The following KIAA0753 variants were observed in gnomAD, a reference collection of about 807,000 sequenced individuals.
KIAA0753 encodes the protein protein moonraker.
A neutral mutation model predicts 116.9 loss-of-function variants in KIAA0753; 114 were observed. The ratio of observed to expected loss-of-function variants is 0.98; its 90% CI spans 0.84 to 1.14. The LOEUF is 1.14. Ranked by LOEUF, KIAA0753 falls within the 50% of genes most tolerant of loss-of-function variation. The probability of loss-of-function intolerance (pLI) is 0.00; values close to 1 mark genes in which losing one functional copy is unlikely to be tolerated. For synonymous variants in KIAA0753, 405 were observed against 413.1 expected (o/e 0.98, Z 0.24); for missense variants, 1,156 against 1,172.4 (o/e 0.99, Z 0.20).
chr17:6,627,016 T>C (rs966929014), intron 3 of KIAA0753, among the ~76,000 whole-genome samples: 4 of 152,250 alleles, frequency 2.6e-5, no homozygotes, highest in South Asian at 4.1e-4. Context: ...GTTATTTTTA[T>C]GCTGGAATGG....
intron 12 of KIAA0753, among the ~76,000 whole-genome samples, chr17:6,601,418 G>A (rs1437704025): frequency 6.6e-6 from 1 of 152,146 alleles, no homozygotes; most frequent in Non-Finnish European, 1.5e-5. Flanking sequence ...TAGACTCACA[G>A]CCCTCTTCCC....
In KIAA0753 at chr17:6,612,147, A is replaced by G; in HGVS notation, c.1317T>C (p.Asp439=). 6.3e-7 allele frequency: 1 copy of G among 1,596,596 alleles called. No individual in the cohort carries two copies. Among genetic ancestry groups the G allele is most frequent in the Admixed American group, 1.8e-5 (1 of 55,446 alleles). The stretch of plus-strand genomic sequence containing the variant: ...GAAGCTCCGTATCGGGCTGATACTT[A>G]TCTACATGGAAATTTTTGAAAAACA... ...RPSVAKQLLA[D]KYQPDTELPE... Residue 439 remains aspartate (D), a splice_region_variant and synonymous_variant, in exon 8 of 19, where the codon GAT becomes GAC. Coordinates refer to ENST00000361413, the MANE Select transcript of KIAA0753 (RefSeq NM_014804.3).
intron 3 of KIAA0753, 46 bp from the exon 4 acceptor site, chr17:6,624,907 T>C (rs891875324): frequency 4.1e-6 from 5 of 1,226,882 alleles, no homozygotes; most frequent in African/African-American, 3.0e-5. Flanking sequence ...ATAAACCATA[T>C]ATTAAAACTT....
At chr17:6,626,830 C>G (rs1014543010) in intron 3 of KIAA0753, among the ~76,000 whole-genome samples, 84 of 152,158 alleles carry the variant, frequency 5.5e-4, no homozygotes, top group African/African-American at 2.0e-3. Flanking sequence ...AGTCCTTCCC[C>G]ACAGAGACTT....
At chr17:6,626,593 G>A (rs183737159) in intron 3 of KIAA0753, among the ~76,000 whole-genome samples, 74 of 152,194 alleles carry the variant, frequency 4.9e-4, no homozygotes, top group African/African-American at 1.7e-3. Context: ...TGTCTACAGA[G>A]CAGCACTGGG....
intron 18 of KIAA0753, among the ~76,000 whole-genome samples, chr17:6,581,518 G>A (rs1443845151): frequency 6.6e-6 from 1 of 152,148 alleles, no homozygotes; most frequent in African/African-American, 2.4e-5. Context: ...TATAGTGGAG[G>A]GAGATACTTT....
At chr17:6,592,313 C>T (rs1022476174) in intron 16 of KIAA0753, among the ~76,000 whole-genome samples, 1 of 152,146 alleles carries the variant, frequency 6.6e-6, no homozygotes, top group African/African-American at 2.4e-5. Flanking sequence ...TGATGACATG[C>T]GACACAGGCT....
rs968200674 is a variant in KIAA0753, at chr17:6,606,886, G to A, written c.1996C>T (p.Leu666Phe). 11 of 1,613,184 alleles carry A rather than the reference G, an allele frequency of 6.8e-6. No homozygotes were observed. Among genetic ancestry groups the A allele is most frequent in the Non-Finnish European group, 8.5e-6 (10 of 1,179,262 alleles). Residue 666 changes from leucine (L) to phenylalanine (F), a missense_variant, in exon 12 of 19, where the codon CTC (leucine) becomes TTC (phenylalanine). By Grantham distance (22) the Leu-to-Phe change is conservative (BLOSUM62 0). Coordinates refer to ENST00000361413, the MANE Select transcript of KIAA0753 (RefSeq NM_014804.3). ...GCAAACACATACCTCAATTGTTGGAGTCTATACATTTCTTCAGCTTTGAGC... is the reference window on the plus strand; with the variant it reads ...GCAAACACATACCTCAATTGTTGGAATCTATACATTTCTTCAGCTTTGAGC... ...NELKAEEMYRLQQLSVSATHL... is the reference protein window; with the variant it reads ...NELKAEEMYRFQQLSVSATHL...
intron 18 of KIAA0753, among the ~76,000 whole-genome samples, chr17:6,587,891 C>T (rs1315176283): frequency 6.6e-6 from 1 of 152,226 alleles, no homozygotes; most frequent in Middle Eastern, 3.4e-3. Context: ...AGAAGATAAA[C>T]GCACACAGAA....
chr17:6,599,232 C>T lies in KIAA0753; in HGVS notation c.2172+5G>A, dbSNP rs747713765. On this transcript the variant is annotated splice_donor_5th_base_variant and intron_variant, in intron 14 of 18. Coordinates refer to ENST00000361413, the MANE Select transcript of KIAA0753 (RefSeq NM_014804.3). ...ACCAGAATGCCAATATCACACAACG[C>T]ATACCTCCTGTGCAGGCTGGGCTTT... 4 of 1,606,742 alleles carry T rather than the reference C, an allele frequency of 2.5e-6. No homozygotes were observed. The highest frequency in any genetic ancestry group is 3.4e-6 in the Non-Finnish European group (4 of 1,173,332).
chr17:6,614,554 T>A (rs576540318), intron 7 of KIAA0753, among the ~76,000 whole-genome samples: 2 of 152,262 alleles, frequency 1.3e-5, no homozygotes, highest in East Asian at 3.9e-4. Flanking sequence ...GTAAGATATT[T>A]ACATAAAACA....
intron 3 of KIAA0753, among the ~76,000 whole-genome samples, chr17:6,625,680 TA>T (rs55867207): frequency 0.29 from 44,292 of 151,410 alleles, 7,719 homozygotes; most frequent in Admixed American, 0.39. Flanking sequence ...AGAGAAGAAT[TA>T]AAAAAAAGAG....
At chr17:6,580,639 C>G (rs1180115101) in intron 18 of KIAA0753, among the ~76,000 whole-genome samples, 2 of 152,116 alleles carry the variant, frequency 1.3e-5, no homozygotes, top group African/African-American at 4.8e-5. Flanking sequence ...AGAAGAAAAA[C>G]AAGGTGAGAG....
chr17:6,590,916 G>C (rs1402361167), intron 16 of KIAA0753, among the ~76,000 whole-genome samples: 1 of 151,932 alleles, frequency 6.6e-6, no homozygotes, highest in African/African-American at 2.4e-5. Context: ...GCTTCCATTA[G>C]GACCCAGCCA....
chr17:6,591,056 GAAGAA>G (rs1567540729), intron 16 of KIAA0753, among the ~76,000 whole-genome samples: 1,590 of 92,232 alleles, frequency 0.017, 36 homozygotes, highest in African/African-American at 0.029. Flanking sequence ...AGAAGAAGAA[GAAGAA>G]GAAGAAGAAG....
At chr17:6,605,543 T>C (rs1970140739) in intron 12 of KIAA0753, among the ~76,000 whole-genome samples, 1 of 152,244 alleles carries the variant, frequency 6.6e-6, no homozygotes, top group Non-Finnish European at 1.5e-5. Flanking sequence ...GGAGTCTTCA[T>C]CTGATACTAC....
chr17:6,624,607 G>A (rs1597583607), intron 4 of KIAA0753, 148 bp downstream of exon 4: 2 of 580,762 alleles, frequency 3.4e-6, no homozygotes, highest in Admixed American at 2.9e-5. Flanking sequence ...ATTTGCCCAT[G>A]TGTTCAGGTA....
intron 9 of KIAA0753, among the ~76,000 whole-genome samples, chr17:6,608,923 A>G (rs912337197): frequency 3.3e-5 from 5 of 152,230 alleles, no homozygotes; most frequent in Admixed American, 1.3e-4. Context: ...ACAAACTTCA[A>G]CCACTGAGCT....
In KIAA0753 at chr17:6,620,814, G is replaced by T; in HGVS notation, c.1289C>A (p.Pro430His). The change falls in exon 7 of 19, where the codon CCT (proline) becomes CAT (histidine). Residue 430 changes from proline to histidine, a missense_variant. Transcript: ENST00000361413. ...KDTFPQETSRPSVAKQLLADK... is the reference protein window; with the variant it reads ...KDTFPQETSRHSVAKQLLADK... Reference sequence around the variant, plus strand: ...GGCAAGAAGCTGCTTTGCTACAGAAGGTCGACTTGTTTCCTGTGGGAATGT... The same window carrying T: ...GGCAAGAAGCTGCTTTGCTACAGAATGTCGACTTGTTTCCTGTGGGAATGT... 6.2e-7 allele frequency: 1 copy of T among 1,614,128 alleles called. No individual in the cohort carries two copies. Among genetic ancestry groups the T allele is most frequent in the Non-Finnish European group, 8.5e-7 (1 of 1,179,994 alleles).
Sources: gnomAD v4.1 joint callset for allele counts (sites outside exome capture counted in the v4.1 genomes callset) on GRCh38, gnomAD v4.1.1 for gene constraint, MANE v1.5 for transcripts, NCBI Gene and HGNC (gene_info 2026-07-23, HGNC 2026-07-21) for gene names.